ATP2B1: variants seen among roughly 807,000 people sequenced by gnomAD.
The protein encoded by ATP2B1 is plasma membrane calcium-transporting ATPase 1.
In ATP2B1, 14 loss-of-function variants were observed where a neutral mutation model predicts 124.2. That is an observed-to-expected ratio of 0.11 (90% CI 0.07 to 0.18). ATP2B1 has a LOEUF of 0.18. Ranked by LOEUF, ATP2B1 falls within the 10% of genes least tolerant of loss-of-function variation. ATP2B1 has a pLI of 1.00. For missense variants in ATP2B1, 763 were observed against 1,466.1 expected, an observed-to-expected ratio of 0.52 and a Z score of 7.83; for synonymous variants, 449 against 492.4, an observed-to-expected ratio of 0.91 and a Z score of 1.17.
At chr12:89,617,948 C>T (rs971361788) in intron 11 of ATP2B1, among the ~76,000 whole-genome samples, 4 of 152,180 alleles carry the variant, frequency 2.6e-5, no homozygotes, top group Non-Finnish European at 5.9e-5. Flanking sequence ...AAGTCCTATA[C>T]ATTTCTCCTC....
At chr12:89,599,364 A>G in intron 19 of ATP2B1, 65 bp from the exon 20 acceptor site, 1 of 1,530,440 alleles carries the variant, frequency 6.5e-7, no homozygotes, top group Non-Finnish European at 8.9e-7. Flanking sequence ...GATCAACTGT[A>G]ATACTAAAGG....
chr12:89,639,625 C>A (rs1165851800), intron 3 of ATP2B1, among the ~76,000 whole-genome samples: 3 of 150,540 alleles, frequency 2.0e-5, no homozygotes, highest in African/African-American at 7.3e-5. Context: ...AACTTTTCAC[C>A]ATGGAGCAAA....
chr12:89,609,864 CAACAAACA>C lies in ATP2B1; in HGVS notation c.2442+65_2442+72del, dbSNP rs370724894. 1,114 of 1,365,418 alleles carry C rather than the reference CAACAAACA, an allele frequency of 8.2e-4. 9 individuals are homozygous for C. Among genetic ancestry groups the C allele is most frequent in the South Asian group, 6.9e-3 (557 of 80,934 alleles). 84.6% of individuals were successfully genotyped at this position (1,365,418 alleles called of 1,614,324 possible). Reference sequence around the variant, plus strand: ...TGTTTAAAATCCATAGTAATTTAGTCAACAAACAAACAAACAAACAAACAAACCAGTCA... The same window carrying C: ...TGTTTAAAATCCATAGTAATTTAGTCAACAAACAAACAAACAAACCAGTCA... On this transcript the variant is annotated intron_variant, in intron 15 of 20. Coordinates refer to ENST00000428670, the MANE Select transcript of ATP2B1 (RefSeq NM_001366521.1).
intron 1 of ATP2B1, among the ~76,000 whole-genome samples, chr12:89,660,374 T>C (rs1210098963): frequency 6.6e-6 from 1 of 152,218 alleles, no homozygotes; most frequent in African/African-American, 2.4e-5. Flanking sequence ...GCCTCTTACA[T>C]TTAATTCCCA....
chr12:89,595,724 C>T (rs1270515566), intron 20 of ATP2B1, among the ~76,000 whole-genome samples: 1 of 152,054 alleles, frequency 6.6e-6, no homozygotes, highest in East Asian at 1.9e-4. Flanking sequence ...AATGCTCCAC[C>T]AACAAGGTTG....
chr12:89,661,087 C>T (rs940589832), intron 1 of ATP2B1, among the ~76,000 whole-genome samples: 2 of 152,022 alleles, frequency 1.3e-5, no homozygotes, highest in Non-Finnish European at 2.9e-5. Flanking sequence ...TATTTTCATT[C>T]ATTTAATGAG....
intron 1 of ATP2B1, among the ~76,000 whole-genome samples, chr12:89,695,126 G>A (rs1295562923): frequency 1.3e-5 from 2 of 151,774 alleles, no homozygotes; most frequent in African/African-American, 2.4e-5. Flanking sequence ...AAGTCTGAAG[G>A]TTTGACAGCA....
chr12:89,671,898 T>TG (rs1888044165), intron 1 of ATP2B1, among the ~76,000 whole-genome samples: 1 of 152,018 alleles, frequency 6.6e-6, no homozygotes, highest in Admixed American at 6.6e-5. Context: ...ACAGGGTCTA[T>TG]AAGTTTCAGA....
Position 89,620,001 on chromosome 12 carries a change from T to C in ATP2B1, c.1827A>G (p.Lys609=), listed in dbSNP as rs1173318424. The change falls in exon 11 of 21, where the codon AAA becomes AAG. Residue 609 remains lysine (K), a splice_region_variant and synonymous_variant. Transcript: ENST00000428670. The part of the protein sequence containing the change: ...FSKGASEIIL[K]KCFKILSANG... ...TCATCCAAGCATTTTACTCTTACTT[T>C]TTCAGAATTATCTCAGATGCACCCT... The C allele has an allele frequency of 1.9e-6, 3 of 1,613,386 alleles. No individual in the cohort carries two copies. Among genetic ancestry groups the C allele is most frequent in the Non-Finnish European group, 2.5e-6 (3 of 1,179,486 alleles).
intron 1 of ATP2B1, among the ~76,000 whole-genome samples, chr12:89,658,027 A>C (rs1170373083): frequency 6.6e-6 from 1 of 152,184 alleles, no homozygotes; most frequent in Non-Finnish European, 1.5e-5. Context: ...GCACACATCA[A>C]TTATAATAAT....
At chr12:89,695,199 C>T (rs186276285) in intron 1 of ATP2B1, among the ~76,000 whole-genome samples, 1 of 152,150 alleles carries the variant, frequency 6.6e-6, no homozygotes, top group Admixed American at 6.5e-5. Context: ...TACCCCTATT[C>T]ATTATAGAAG....
At chr12:89,638,271 A>G (rs1883002989) in intron 3 of ATP2B1, among the ~76,000 whole-genome samples, 1 of 152,192 alleles carries the variant, frequency 6.6e-6, no homozygotes, top group Admixed American at 6.5e-5. Context: ...AGACATGCAC[A>G]ATCTAAATTC....
intron 1 of ATP2B1, among the ~76,000 whole-genome samples, chr12:89,677,954 T>TTATATATATATATATATATA (rs61256358): frequency 1.6e-4 from 11 of 68,766 alleles, no homozygotes; most frequent in African/African-American, 6.4e-4. Flanking sequence ...CATGCAGGAA[T>TTATATATATATATATATATA]TATATATATA....
intron 10 of ATP2B1, among the ~76,000 whole-genome samples, chr12:89,621,028 G>C (rs187928450): frequency 1.6e-4 from 25 of 152,216 alleles, no homozygotes; most frequent in Non-Finnish European, 2.9e-4. Context: ...TTTAAAACTT[G>C]TAAGTTGAAA....
intron 2 of ATP2B1, 40 bp from the exon 3 acceptor site, chr12:89,642,395 C>A (rs749147146): frequency 6.5e-7 from 1 of 1,533,336 alleles, no homozygotes; most frequent in Non-Finnish European, 8.9e-7. Context: ...AGTTTTACTT[C>A]TTACAAATGA....
chr12:89,639,644 T>C (rs1443238805), intron 3 of ATP2B1, among the ~76,000 whole-genome samples: 1 of 151,694 alleles, frequency 6.6e-6, no homozygotes, highest in African/African-American at 2.4e-5. Context: ...AAAAAATCTT[T>C]ATATGTTTCA....
At chr12:89,636,491 T>C (rs561734398) in intron 3 of ATP2B1, among the ~76,000 whole-genome samples, 64 of 152,376 alleles carry the variant, frequency 4.2e-4, no homozygotes, top group African/African-American at 1.5e-3. Flanking sequence ...AAGTTATTTC[T>C]TTTTAAATTG....
intron 15 of ATP2B1, among the ~76,000 whole-genome samples, chr12:89,607,478 G>C (rs1210431526): frequency 6.6e-6 from 1 of 152,144 alleles, no homozygotes; most frequent in Non-Finnish European, 1.5e-5. Flanking sequence ...ATTTTTAGGA[G>C]ACAGCAACTC....
chr12:89,648,555 G>T (rs957210928), intron 2 of ATP2B1, among the ~76,000 whole-genome samples: 1 of 152,206 alleles, frequency 6.6e-6, no homozygotes, highest in African/African-American at 2.4e-5. Context: ...ATGACCTGAA[G>T]TTGGAACTTA....
Sources: allele counts gnomAD v4.1 joint callset (sites outside exome capture counted in the v4.1 genomes callset), GRCh38; gene constraint gnomAD v4.1.1; transcripts MANE v1.5; gene names NCBI Gene and HGNC (gene_info 2026-07-23, HGNC 2026-07-21).